Variants in NIPSNAP1 observed in about 807,000 individuals in gnomAD.
The protein encoded by NIPSNAP1 is nipsnap homolog 1.
A neutral mutation model predicts 49.2 loss-of-function variants in NIPSNAP1; 25 were observed. The ratio of observed to expected loss-of-function variants is 0.51; its 90% CI spans 0.37 to 0.71. The LOEUF is 0.71. Among genes scored for constraint, NIPSNAP1 ranks in the 30% least tolerant of loss-of-function variants. The pLI is 0.00. For synonymous variants in NIPSNAP1, 143 were observed against 140.7 expected (o/e 1.02, Z -0.12); for missense variants, 294 against 361.0 (o/e 0.81, Z 1.50).
chr22:29,561,631 G>A lies in NIPSNAP1; in HGVS notation c.454C>T (p.Arg152Ter). The stretch of plus-strand genomic sequence containing the variant: ...AGCAGCATCTGGCTCCGCTCCCTTC[G>A]GAACTCCAGGTACTCCTGTGGGCAT... ...LKNNKEYLEFRRERSQMLLSR... is the reference protein window; with the variant it reads ...LKNNKEYLEF The change falls in exon 6 of 10, where the codon CGA becomes TGA. Residue 152 changes from arginine to a stop codon, truncating the protein, a stop_gained. Transcript: ENST00000216121. LOFTEE classifies it high-confidence loss of function. 3.7e-6 allele frequency: 6 copies of A among 1,614,002 alleles called. No individual in the cohort carries two copies. The highest frequency in any genetic ancestry group is 1.7e-6 in the Non-Finnish European group (2 of 1,180,020).
chr22:29,561,872 G>T lies in NIPSNAP1; in HGVS notation c.368-10C>A, dbSNP rs771133886. On this transcript the variant is annotated splice_polypyrimidine_tract_variant and intron_variant, in intron 4 of 9. Coordinates refer to ENST00000216121, the MANE Select transcript of NIPSNAP1 (RefSeq NM_003634.4). ...AATCGCCACAGGTGCACTGTTGGGGGTGAGAGGTATAGGTCAGTGAGCTGC... is the reference window on the plus strand; with the variant it reads ...AATCGCCACAGGTGCACTGTTGGGGTTGAGAGGTATAGGTCAGTGAGCTGC... The T allele has an allele frequency of 7.4e-6, 12 of 1,613,966 alleles. No homozygotes were observed. The South Asian group carries it at 1.3e-4, about 18-fold the overall frequency.
At chr22:29,568,725 G>A (rs531605000) in intron 4 of NIPSNAP1, among the ~76,000 whole-genome samples, 29 of 152,300 alleles carry the variant, frequency 1.9e-4, no homozygotes, top group Non-Finnish European at 3.1e-4. Flanking sequence ...TGGGGAGGCG[G>A]AGGTTGCAGT....
intron 4 of NIPSNAP1, among the ~76,000 whole-genome samples, chr22:29,562,943 C>T (rs1252865893): frequency 6.7e-6 from 1 of 149,368 alleles, no homozygotes; most frequent in Non-Finnish European, 1.5e-5. Context: ...ACTAAAAATA[C>T]AAAAAATTAG....
At chr22:29,567,113 C>T (rs1226252855) in intron 4 of NIPSNAP1, among the ~76,000 whole-genome samples, 2 of 152,074 alleles carry the variant, frequency 1.3e-5, no homozygotes, top group East Asian at 3.8e-4. Flanking sequence ...CAGTACAGAG[C>T]GAGGCTCCAT....
intron 4 of NIPSNAP1, chr22:29,564,177 C>T: frequency 2.7e-6 from 1 of 369,678 alleles, no homozygotes; most frequent in East Asian, 7.5e-5. Flanking sequence ...CAGCTGGCTG[C>T]CAGCAGTCTA....
In NIPSNAP1 at chr22:29,569,296, G is replaced by A. The variant is rs1434659934; in HGVS notation, c.273-9C>T. On this transcript the variant is annotated splice_polypyrimidine_tract_variant and intron_variant, in intron 3 of 9. Coordinates refer to ENST00000216121, the MANE Select transcript of NIPSNAP1 (RefSeq NM_003634.4). Reference sequence around the variant, plus strand: ...TGGGCAGCACAGCCTCCCTGTGGGGGAGGTGCAGAGAGGGGCAGGGTTCAC... The same window carrying A: ...TGGGCAGCACAGCCTCCCTGTGGGGAAGGTGCAGAGAGGGGCAGGGTTCAC... 1.2e-6 allele frequency: 2 copies of A among 1,607,012 alleles called. No individual in the cohort carries two copies. The highest frequency in any genetic ancestry group is 2.2e-5 in the East Asian group (1 of 44,824).
intron 4 of NIPSNAP1, 70 bp downstream of exon 4, chr22:29,569,123 G>T: frequency 1.6e-6 from 2 of 1,247,170 alleles, no homozygotes; most frequent in Admixed American, 1.8e-5. Context: ...GTGGAGAACA[G>T]CCAGGTGTGA....
At chr22:29,571,853 G>T (rs1302033376) in intron 1 of NIPSNAP1, among the ~76,000 whole-genome samples, 2 of 151,684 alleles carry the variant, frequency 1.3e-5, no homozygotes, top group South Asian at 4.2e-4. Flanking sequence ...TCGGCTCACT[G>T]CAACCTCGGC....
intron 1 of NIPSNAP1, among the ~76,000 whole-genome samples, chr22:29,576,330 G>A (rs923673842): frequency 2.5e-4 from 38 of 151,148 alleles, no homozygotes; most frequent in Middle Eastern, 6.8e-3. Flanking sequence ...GAACCCAGGA[G>A]TTTGAGACCA....
Position 29,555,873 on chromosome 22 carries a change from G to T in NIPSNAP1, c.*62C>A. ...CAAAACCAAGACAGCAGGACCAGGA[G>T]TGCCACTGTCTGTCGGGGTTGCCTG... is the stretch of plus-strand genomic sequence containing the variant. On this transcript the variant is annotated 3_prime_UTR_variant, in exon 10 of 10. Transcript: ENST00000216121. 6.9e-7 allele frequency: 1 copy of T among 1,440,956 alleles called. No homozygotes were observed. Among genetic ancestry groups the T allele is most frequent in the Non-Finnish European group, 9.6e-7 (1 of 1,045,930 alleles). The allele number at this position is 1,440,956 out of a possible 1,614,324, so 89.3% of individuals were successfully genotyped here.
At position 29,571,037 on chromosome 22, in the gene NIPSNAP1, GT is replaced by G. The variant is rs2064404277; in HGVS notation, c.99-506del. ...ACTCTGTGCTTTCTGTACAAGTTCT[GT>G]CCCCTCTAACGAGAAGACTGCTCTC... On this transcript the variant is annotated intron_variant, in intron 1 of 9. Transcript: ENST00000216121. Among the ~76,000 whole-genome samples the G allele has an allele frequency of 2.0e-5, 3 of 151,998 alleles. 1 individual carries two copies. The highest frequency in any genetic ancestry group is 4.4e-5 in the Non-Finnish European group (3 of 68,026).
chr22:29,567,430 AG>A (rs1407546474), intron 4 of NIPSNAP1, among the ~76,000 whole-genome samples: 1 of 152,222 alleles, frequency 6.6e-6, no homozygotes, highest in Non-Finnish European at 1.5e-5. Context: ...AGGCAGCTAT[AG>A]GGGTACATGA....
chr22:29,555,987 C>T lies in NIPSNAP1; in HGVS notation c.803G>A (p.Arg268Gln), dbSNP rs770519865. 1.5e-5 allele frequency: 23 copies of T among 1,551,066 alleles called. No homozygotes were observed. The highest frequency in any genetic ancestry group is 5.9e-5 in the South Asian group (5 of 84,048). ...ENVYYTVPLV[R>Q]HMESRIMIPL... is the part of the protein sequence containing the mutation. ...GATCATGATCCTAGACTCCATGTGT[C>T]GCACCAGGGGGACTGCGGAGAGAGA... Residue 268 changes from arginine (R) to glutamine (Q), a missense_variant, in exon 10 of 10, where the codon CGA becomes CAA. Transcript: ENST00000216121.
rs5997494 is a variant in NIPSNAP1, at chr22:29,561,151, G to C, written c.611+20C>G. 3.0e-5 allele frequency: 48 copies of C among 1,609,282 alleles called. No homozygotes were observed. Among genetic ancestry groups the C allele is most frequent in the African/African-American group, 2.3e-4 (17 of 74,958 alleles). ...GCAGGGTACGCCTCCCCCAACCCCA[G>C]TCTTGGTGCTGCCACTTACCAGTTG... On this transcript the variant is annotated intron_variant, in intron 7 of 9. Coordinates refer to ENST00000216121, the MANE Select transcript of NIPSNAP1 (RefSeq NM_003634.4).
In NIPSNAP1 at chr22:29,561,881, A is replaced by G; in HGVS notation, c.368-19T>C. ...AGGTGCACTGTTGGGGGTGAGAGGT[A>G]TAGGTCAGTGAGCTGCTGGGACCCC... On this transcript the variant is annotated intron_variant, in intron 4 of 9. Transcript: ENST00000216121. 6.2e-7 allele frequency: 1 copy of G among 1,613,620 alleles called. No homozygotes were observed. The highest frequency in any genetic ancestry group is 8.5e-7 in the Non-Finnish European group (1 of 1,179,650).
intron 1 of NIPSNAP1, among the ~76,000 whole-genome samples, chr22:29,572,876 G>A (rs2064420959): frequency 6.6e-6 from 1 of 151,786 alleles, no homozygotes; most frequent in Non-Finnish European, 1.5e-5. Context: ...TCAGCCACTT[G>A]AGAGACTTAG....
chr22:29,576,860 G>A (rs1289878750), intron 1 of NIPSNAP1, among the ~76,000 whole-genome samples: 2 of 150,722 alleles, frequency 1.3e-5, no homozygotes, highest in Admixed American at 1.3e-4. Flanking sequence ...AGAGGGCAGA[G>A]GTTGCAGTGA....
chr22:29,568,745 T>C (rs1205072418), intron 4 of NIPSNAP1, among the ~76,000 whole-genome samples: 1 of 152,138 alleles, frequency 6.6e-6, no homozygotes, highest in Admixed American at 6.6e-5. Context: ...TGAGCCGAGA[T>C]TGCACTACTG....
chr22:29,562,971 C>T (rs1445462487), intron 4 of NIPSNAP1, among the ~76,000 whole-genome samples: 1 of 151,500 alleles, frequency 6.6e-6, no homozygotes, highest in East Asian at 2.0e-4. Flanking sequence ...TGGTGGCGGG[C>T]ACCTATAGTC....
Sources: allele counts gnomAD v4.1 joint callset (sites outside exome capture counted in the v4.1 genomes callset), GRCh38; gene constraint gnomAD v4.1.1; transcripts MANE v1.5; gene names NCBI Gene and HGNC (gene_info 2026-07-23, HGNC 2026-07-21).